The following TGM6 variants were observed in gnomAD, a reference collection of about 807,000 sequenced individuals.
The protein encoded by TGM6 is transglutaminase 6, also known as protein-glutamine gamma-glutamyltransferase 6.
In TGM6, 74 loss-of-function variants were observed where a neutral mutation model predicts 77.5. The observed-to-expected ratio is 0.96, with a 90% CI of 0.79 to 1.16. The LOEUF is 1.16. TGM6 is among the 50% of genes most tolerant of loss of function. The probability of loss-of-function intolerance (pLI) is 0.00; values close to 1 mark genes in which losing one functional copy is unlikely to be tolerated. For synonymous variants in TGM6, 383 were observed against 378.9 expected (o/e 1.01, Z -0.12); for missense variants, 968 against 940.2 (o/e 1.03, Z -0.39).
At position 2,432,493 on chromosome 20, in the gene TGM6, G is replaced by T; in HGVS notation, c.1971G>T (p.Val657=). The T allele has an allele frequency of 6.2e-7, 1 of 1,614,028 alleles. No homozygotes were observed. The highest frequency in any genetic ancestry group is 8.5e-7 in the Non-Finnish European group (1 of 1,179,998). Residue 657 remains valine, a synonymous_variant, in exon 13 of 13, where the codon GTG becomes GTT. Transcript: ENST00000202625. ...GLLQEQLSID[V]PTLEPQERAS... is the part of the protein sequence containing the mutation. ...TTCTCCCCTCCCCTTCCTCCAGCGTGCCTACCCTGGAGCCTCAGGAGAGGG... is the reference window on the plus strand; with the variant it reads ...TTCTCCCCTCCCCTTCCTCCAGCGTTCCTACCCTGGAGCCTCAGGAGAGGG...
intron 10 of TGM6, among the ~76,000 whole-genome samples, chr20:2,422,367 A>C (rs1417105883): frequency 6.6e-6 from 1 of 152,152 alleles, no homozygotes. Flanking sequence ...TTTGTCAAAG[A>C]TCAACTGACT....
intron 12 of TGM6, 45 bp from the exon 13 acceptor site, chr20:2,432,445 G>T (rs1431224288): frequency 1.9e-6 from 3 of 1,611,920 alleles, no homozygotes; most frequent in Non-Finnish European, 2.5e-6. Flanking sequence ...ACTCAGAATG[G>T]CAAGAGGACT....
Position 2,419,087 on chromosome 20 carries a change from A to T in TGM6, c.1678+1514A>T, listed in dbSNP as rs548888200. On this transcript the variant is annotated intron_variant, in intron 10 of 12. Coordinates refer to ENST00000202625, the MANE Select transcript of TGM6 (RefSeq NM_198994.3). Reference sequence around the variant, plus strand: ...TTTATTAAATGTATCCTCTTTGATTATTCTTGCACTTTTTTCCTAGTCTGT... The same window carrying T: ...TTTATTAAATGTATCCTCTTTGATTTTTCTTGCACTTTTTTCCTAGTCTGT... Among the ~76,000 whole-genome samples, 127 of 152,252 alleles carry T rather than the reference A, an allele frequency of 8.3e-4. 3 individuals are homozygous for T. In the South Asian group the frequency reaches 0.024, roughly 29 times the overall value.
At chr20:2,400,933 G>C (rs2084704657) in intron 7 of TGM6, among the ~76,000 whole-genome samples, 1 of 152,142 alleles carries the variant, frequency 6.6e-6, no homozygotes, top group Non-Finnish European at 1.5e-5. Context: ...CAGCTACTCA[G>C]GAGGCTAAGG....
At chr20:2,421,272 G>A (rs6036431) in intron 10 of TGM6, among the ~76,000 whole-genome samples, 33,943 of 152,018 alleles carry the variant, frequency 0.22, 3,987 homozygotes, top group South Asian at 0.3. Context: ...GGCATGAGCC[G>A]CCGTGCCCGG....
intron 5 of TGM6, among the ~76,000 whole-genome samples, chr20:2,398,836 C>T (rs1434130835): frequency 1.3e-5 from 2 of 151,954 alleles, no homozygotes; most frequent in Non-Finnish European, 2.9e-5. Flanking sequence ...CCCACCACCT[C>T]CCTCTACCAC....
chr20:2,414,449 A>G (rs1346139887), intron 9 of TGM6, among the ~76,000 whole-genome samples: 2 of 152,348 alleles, frequency 1.3e-5, no homozygotes, highest in South Asian at 4.1e-4. Context: ...TGAAACACTC[A>G]TACATTGCTG....
At chr20:2,403,243 G>T (rs1300035981) in intron 7 of TGM6, among the ~76,000 whole-genome samples, 154 bp from the exon 8 acceptor site, 2 of 152,150 alleles carry the variant, frequency 1.3e-5, no homozygotes, top group Admixed American at 1.3e-4. Flanking sequence ...ATATGTGAAT[G>T]CTGTGTGCTC....
chr20:2,430,297 T>A, intron 10 of TGM6, 149 bp from the exon 11 acceptor site: 1 of 1,091,102 alleles, frequency 9.2e-7, no homozygotes, highest in South Asian at 1.3e-5. Context: ...GGTTTCTTCA[T>A]CTGAGAACCG....
At chr20:2,425,274 G>C (rs2084880181) in intron 10 of TGM6, among the ~76,000 whole-genome samples, 1 of 151,748 alleles carries the variant, frequency 6.6e-6, no homozygotes, top group Non-Finnish European at 1.5e-5. Flanking sequence ...TTGAGCCCAA[G>C]AGCTGGAAGT....
intron 9 of TGM6, among the ~76,000 whole-genome samples, chr20:2,404,247 C>T (rs1167979122): frequency 2.6e-5 from 4 of 152,180 alleles, no homozygotes; most frequent in African/African-American, 7.2e-5. Flanking sequence ...TAGCATCTGC[C>T]AGGGCCTGTG....
At chr20:2,388,757 C>A (rs1444700108) in intron 1 of TGM6, among the ~76,000 whole-genome samples, 1 of 152,074 alleles carries the variant, frequency 6.6e-6, no homozygotes, top group Non-Finnish European at 1.5e-5. Context: ...TTTGGAAAAG[C>A]ACTTGGTTCA....
chr20:2,381,746 G>A lies in TGM6; in HGVS notation c.7+771G>A, dbSNP rs140037132. 2.6e-3 allele frequency among the ~76,000 whole-genome samples: 394 copies of A among 152,166 alleles called. 3 individuals are homozygous for A. The highest frequency in any genetic ancestry group is 9.7e-3 in the Admixed American group (148 of 15,286). ...AGCCTGGGCAATGTGGCAAAACCCC[G>A]TCTCTACAAAAAAATACAACAATTA... On this transcript the variant is annotated intron_variant, in intron 1 of 12. Coordinates refer to ENST00000202625, the MANE Select transcript of TGM6 (RefSeq NM_198994.3).
chr20:2,418,846 G>C (rs983835295), intron 10 of TGM6, among the ~76,000 whole-genome samples: 1 of 152,142 alleles, frequency 6.6e-6, no homozygotes, highest in Non-Finnish European at 1.5e-5. Context: ...GGAGGCCAAG[G>C]CGGGTGGATC....
chr20:2,406,634 G>A (rs1053522564), intron 9 of TGM6, among the ~76,000 whole-genome samples: 7 of 150,772 alleles, frequency 4.6e-5, no homozygotes, highest in South Asian at 2.1e-4. Flanking sequence ...TCAAGAGTTC[G>A]AGACCAGCCT....
chr20:2,382,293 G>A (rs1723342956), intron 1 of TGM6, among the ~76,000 whole-genome samples: 1 of 152,172 alleles, frequency 6.6e-6, no homozygotes, highest in South Asian at 2.1e-4. Flanking sequence ...GCCAACACCA[G>A]CTCACAGCCC....
intron 10 of TGM6, 128 bp downstream of exon 10, chr20:2,417,701 T>A: frequency 9.1e-7 from 1 of 1,099,722 alleles, no homozygotes; most frequent in Non-Finnish European, 1.3e-6. Context: ...CTGAGCATTG[T>A]GCTCAGTGCC....
At chr20:2,396,711 C>T in intron 4 of TGM6, 87 bp downstream of exon 4, 1 of 1,245,822 alleles carries the variant, frequency 8.0e-7, no homozygotes, top group South Asian at 1.2e-5. Flanking sequence ...GCTCACTCTT[C>T]TCAGGAGGGA....
At chr20:2,381,057 T>G in intron 1 of TGM6, 82 bp downstream of exon 1, 1 of 1,551,848 alleles carries the variant, frequency 6.4e-7, no homozygotes, top group African/African-American at 1.3e-5. Flanking sequence ...GGGATGACGT[T>G]TGATCATCGA....
Sources: allele counts gnomAD v4.1 joint callset (sites outside exome capture counted in the v4.1 genomes callset), GRCh38; gene constraint gnomAD v4.1.1; transcripts MANE v1.5; gene names NCBI Gene and HGNC (gene_info 2026-07-23, HGNC 2026-07-21).